Variants in KAZN observed in about 807,000 individuals in gnomAD.
KAZN encodes the protein kazrin.
KAZN carries 40 observed loss-of-function variants against 87.4 expected under a neutral mutation model. That is an observed-to-expected ratio of 0.46 (90% CI 0.36 to 0.60). The LOEUF is 0.60. KAZN is among the 20% of genes least tolerant of loss of function. The pLI is 0.00. For synonymous variants in KAZN, 466 were observed against 458.3 expected (o/e 1.02, Z -0.22); for missense variants, 898 against 1,073.9 (o/e 0.84, Z 2.29).
chr1:15,030,447 T>C (rs1671578351), intron 2 of KAZN, among the ~76,000 whole-genome samples: 1 of 152,128 alleles, frequency 6.6e-6, no homozygotes, highest in African/African-American at 2.4e-5. Context: ...TTTGTATTTT[T>C]AGTAGAGACG....
At chr1:14,099,801 T>A (rs1644209466) in intron 1 of KAZN, among the ~76,000 whole-genome samples, 1 of 152,230 alleles carries the variant, frequency 6.6e-6, no homozygotes. Flanking sequence ...GTGGATTGCC[T>A]GTGCTTCTTC....
At chr1:14,224,611 A>C (rs913461930) in intron 2 of KAZN, among the ~76,000 whole-genome samples, 3 of 152,186 alleles carry the variant, frequency 2.0e-5, no homozygotes, top group Non-Finnish European at 2.9e-5. Flanking sequence ...GACCTAGTCA[A>C]GCCTCCTTAG....
chr1:14,767,918 A>T (rs1049345116), intron 1 of KAZN, among the ~76,000 whole-genome samples: 9 of 152,318 alleles, frequency 5.9e-5, no homozygotes, highest in Middle Eastern at 3.4e-3. Context: ...CATTCCAGAG[A>T]ATATTACCGA....
At chr1:15,027,428 C>A (rs1049293235) in intron 2 of KAZN, among the ~76,000 whole-genome samples, 3 of 152,168 alleles carry the variant, frequency 2.0e-5, no homozygotes, top group African/African-American at 7.2e-5. Context: ...AGTTGGGAGA[C>A]CTCAGCTGAC....
intron 2 of KAZN, among the ~76,000 whole-genome samples, chr1:14,494,366 C>T (rs1480394032): frequency 6.6e-5 from 10 of 152,200 alleles, no homozygotes; most frequent in Non-Finnish European, 1.3e-4. Flanking sequence ...AGGTTGCTAC[C>T]TGCTCTTATG....
intron 1 of KAZN, among the ~76,000 whole-genome samples, chr1:14,783,665 C>T (rs1023749760): frequency 2.6e-5 from 4 of 152,088 alleles, no homozygotes; most frequent in Non-Finnish European, 5.9e-5. Context: ...GGAAGAGCAC[C>T]GTGCCTGCCT....
At chr1:14,464,135 T>G (rs4661496) in intron 2 of KAZN, among the ~76,000 whole-genome samples, 1 of 152,010 alleles carries the variant, frequency 6.6e-6, no homozygotes, top group Non-Finnish European at 1.5e-5. Flanking sequence ...ACGGTGGAAC[T>G]TCGTGCAACA....
intron 2 of KAZN, among the ~76,000 whole-genome samples, chr1:14,989,859 A>G (rs1208646362): frequency 2.0e-5 from 3 of 152,226 alleles, no homozygotes; most frequent in African/African-American, 7.2e-5. Flanking sequence ...AGAATCGAGC[A>G]TTGCATGTTA....
rs78564139 is a variant in KAZN at position 14,125,630 on chromosome 1, G to A, written c.92-54805G>A. On this transcript the variant is annotated intron_variant, in intron 1 of 16. Coordinates refer to the KAZN transcript ENST00000636203. ...TGGTTCCCTGGAGACTTTTGGGGGA[G>A]CGGGGCCCTGCTGACACCTTAGTTT... Among the ~76,000 whole-genome samples, 1,156 of 152,216 alleles carry A rather than the reference G, an allele frequency of 7.6e-3. 15 individuals carry two copies. Among genetic ancestry groups the A allele is most frequent in the South Asian group, 0.047 (225 of 4,818 alleles).
chr1:14,948,911 C>G (rs1007282879), intron 1 of KAZN, among the ~76,000 whole-genome samples: 1 of 152,202 alleles, frequency 6.6e-6, no homozygotes, highest in East Asian at 1.9e-4. Flanking sequence ...AATCCCAGCA[C>G]TTTGGGAGGC....
intron 1 of KAZN, among the ~76,000 whole-genome samples, chr1:14,064,726 C>T (rs1445082410): frequency 2.6e-5 from 4 of 152,178 alleles, no homozygotes; most frequent in Non-Finnish European, 4.4e-5. Context: ...CAAACATGGA[C>T]AATGCTGGTG....
intron 2 of KAZN, among the ~76,000 whole-genome samples, chr1:14,406,904 G>T (rs1210088273): frequency 6.6e-6 from 1 of 152,156 alleles, no homozygotes; most frequent in African/African-American, 2.4e-5. Context: ...TCATAGGCTT[G>T]AAGTGAGGAA....
intron 1 of KAZN, among the ~76,000 whole-genome samples, chr1:14,701,215 G>A (rs1355014212): frequency 6.6e-6 from 1 of 152,096 alleles, no homozygotes; most frequent in Non-Finnish European, 1.5e-5. Flanking sequence ...CAACCTCCTG[G>A]GCTTAAGTGA....
intron 1 of KAZN, among the ~76,000 whole-genome samples, chr1:14,851,951 A>G (rs1290535737): frequency 6.6e-6 from 1 of 152,216 alleles, no homozygotes; most frequent in African/African-American, 2.4e-5. Context: ...GTCCTCCGGA[A>G]GAGTTTGTGA....
rs563018883 is a variant in KAZN at position 14,203,013 on chromosome 1, G to A, written c.249+22421G>A. Among the ~76,000 whole-genome samples, 18 of 152,018 alleles carry A rather than the reference G, an allele frequency of 1.2e-4. No individual in the cohort carries two copies. In the South Asian group the frequency reaches 1.3e-3, roughly 11 times the overall value. On this transcript the variant is annotated intron_variant, in intron 2 of 16. Coordinates refer to the KAZN transcript ENST00000636203. ...GCCTGGGCGACAAGAGCAAAACTCC[G>A]TCTCAAAAATCATCATAGATAGGAA...
chr1:14,291,304 G>A (rs1406151629), intron 2 of KAZN, among the ~76,000 whole-genome samples: 2 of 152,204 alleles, frequency 1.3e-5, no homozygotes, highest in African/African-American at 2.4e-5. Flanking sequence ...GAATCTACAG[G>A]AGCAATAGGC....
chr1:14,083,508 A>G (rs1643753952), intron 1 of KAZN, among the ~76,000 whole-genome samples: 1 of 152,218 alleles, frequency 6.6e-6, no homozygotes, highest in South Asian at 2.1e-4. Context: ...AAGAGAAGTG[A>G]TTTATGCAAG....
chr1:14,190,475 G>T (rs1646400037), intron 2 of KAZN, among the ~76,000 whole-genome samples: 1 of 152,082 alleles, frequency 6.6e-6, no homozygotes, highest in African/African-American at 2.4e-5. Context: ...TGCAAAAATG[G>T]CTGTCATTCT....
intron 1 of KAZN, among the ~76,000 whole-genome samples, chr1:14,738,751 G>T (rs567297483): frequency 1.3e-5 from 2 of 151,796 alleles, no homozygotes; most frequent in Non-Finnish European, 2.9e-5. Flanking sequence ...GATTTTTTTC[G>T]TTAAAAAAAT....
Sources: gnomAD v4.1 joint callset for allele counts (sites outside exome capture counted in the v4.1 genomes callset) on GRCh38, gnomAD v4.1.1 for gene constraint, MANE v1.5 for transcripts, NCBI Gene and HGNC (gene_info 2026-07-23, HGNC 2026-07-21) for gene names.